IL10RB: variants seen among roughly 807,000 people sequenced by gnomAD.
The protein encoded by IL10RB is interleukin 10 receptor subunit beta, also known as interleukin-10 receptor subunit beta.
Under a neutral mutation model 38.7 loss-of-function variants are expected in IL10RB, and 30 were observed. The observed-to-expected ratio is 0.78, with a 90% CI of 0.58 to 1.05. IL10RB has a LOEUF of 1.05. Ranked by LOEUF, IL10RB falls within the 50% of genes least tolerant of loss-of-function variation. IL10RB has a pLI of 0.00. For missense variants in IL10RB, 328 were observed against 397.1 expected (o/e 0.83, Z 1.48); for synonymous variants, 142 against 145.9 (o/e 0.97, Z 0.19).
chr21:33,267,150 C>A (rs1388646070), intron 1 of IL10RB, among the ~76,000 whole-genome samples: 5 of 151,822 alleles, frequency 3.3e-5, no homozygotes, highest in Non-Finnish European at 7.4e-5. Context: ...ACCATGGTCA[C>A]CTCCTTCCTT....
rs1201145141 is a variant in IL10RB at position 33,296,686 on chromosome 21, C to T, written c.*329C>T. On this transcript the variant is annotated 3_prime_UTR_variant, in exon 7 of 7. Transcript: ENST00000290200. ...AAACAGGGCCGAGCACAGTGGCTCACGCCTGTAATACCAGCACCTTAGAGG... is the reference window on the plus strand; with the variant it reads ...AAACAGGGCCGAGCACAGTGGCTCATGCCTGTAATACCAGCACCTTAGAGG... 7 of 426,528 alleles carry T rather than the reference C, an allele frequency of 1.6e-5. No individual in the cohort carries two copies. The highest frequency in any genetic ancestry group is 2.8e-5 in the Non-Finnish European group (6 of 217,268). The allele number at this position is 426,528 out of a possible 1,614,324, so 26.4% of individuals were successfully genotyped here.
chr21:33,268,483 A>G lies in IL10RB; in HGVS notation c.139A>G (p.Lys47Glu), dbSNP rs2834167. Reference sequence around the variant, plus strand: ...ACAGTGGGAGTCACCTGCTTTTGCCAAAGGGAACCTGACTTTCACAGCTCA... The same window carrying G: ...ACAGTGGGAGTCACCTGCTTTTGCCGAAGGGAACCTGACTTTCACAGCTCA... ...ILQWESPAFA[K>E]GNLTFTAQYL... The change falls in exon 2 of 7, where the codon AAA becomes GAA. Residue 47 changes from lysine (K) to glutamate (E), a missense_variant. Coordinates refer to ENST00000290200, the MANE Select transcript of IL10RB (RefSeq NM_000628.5). 0.28 allele frequency: 444,155 copies of G among 1,613,124 alleles called. 66,866 individuals are homozygous for G. The highest frequency in any genetic ancestry group is 0.56 in the East Asian group (24,993 of 44,870).
intron 6 of IL10RB, among the ~76,000 whole-genome samples, chr21:33,292,116 T>A (rs1218864232): frequency 6.6e-6 from 1 of 152,152 alleles, no homozygotes; most frequent in Non-Finnish European, 1.5e-5. Flanking sequence ...AGGTCCATCC[T>A]TCTTCCCAAA....
At chr21:33,275,067 G>A (rs1357101661) in intron 2 of IL10RB, among the ~76,000 whole-genome samples, 4 of 151,722 alleles carry the variant, frequency 2.6e-5, no homozygotes, top group African/African-American at 9.7e-5. Flanking sequence ...ATGGGCACTT[G>A]CTGCTTCACC....
rs1293357271 is a variant in IL10RB at position 33,268,399 on chromosome 21, G to A, written c.55G>A (p.Gly19Arg). 6.2e-7 allele frequency: 1 copy of A among 1,613,742 alleles called. No homozygotes were observed. Among genetic ancestry groups the A allele is most frequent in the African/African-American group, 1.3e-5 (1 of 74,916 alleles). Residue 19 changes from glycine to arginine, a missense_variant, in exon 2 of 7, where the codon GGA (glycine) becomes AGA (arginine). Gly to Arg is a moderately radical substitution (Grantham distance 125, BLOSUM62 -2). Transcript: ENST00000290200. ...LGGCLLVSAL[G>R]MVPPPENVRM... ...TTTTTGTCTTATTTTCATAGCATTG[G>A]GAATGGTACCACCTCCCGAAAATGT...
intron 1 of IL10RB, among the ~76,000 whole-genome samples, chr21:33,305,481 T>C (rs1181103988): frequency 1.3e-5 from 2 of 152,110 alleles, no homozygotes; most frequent in African/African-American, 4.8e-5. Context: ...GGTCATGACC[T>C]ATCAATAGGT....
At chr21:33,283,765 T>C (rs2834173) in intron 5 of IL10RB, among the ~76,000 whole-genome samples, 72,959 of 151,998 alleles carry the variant, frequency 0.48, 18,085 homozygotes, top group African/African-American at 0.6. Flanking sequence ...ACCATATGGA[T>C]CACTTCTAGC....
chr21:33,304,691 A>G (rs1203951099), intron 1 of IL10RB, among the ~76,000 whole-genome samples: 1 of 152,248 alleles, frequency 6.6e-6, no homozygotes, highest in Non-Finnish European at 1.5e-5. Flanking sequence ...GATCTACAGT[A>G]GCAGACGCCT....
downstream of IL10RB, among the ~76,000 whole-genome samples, chr21:33,298,154 G>C (rs2082975334): frequency 6.6e-6 from 1 of 152,142 alleles, no homozygotes; most frequent in South Asian, 2.1e-4. Context: ...AAAATCTATG[G>C]ATTTAAATGT....
Position 33,296,374 on chromosome 21 carries a change from A to G in IL10RB, c.*17A>G, listed in dbSNP as rs886057003. On this transcript the variant is annotated 3_prime_UTR_variant, in exon 7 of 7. Transcript: ENST00000290200. ...CAAAGCTAGGCTCTGAGAAGGAAACACACTCGGCTGGGCACAGTGACGTAC... is the reference window on the plus strand; with the variant it reads ...CAAAGCTAGGCTCTGAGAAGGAAACGCACTCGGCTGGGCACAGTGACGTAC... The G allele has an allele frequency of 6.2e-7, 1 of 1,611,066 alleles. No individual in the cohort carries two copies. The highest frequency in any genetic ancestry group is 8.5e-7 in the Non-Finnish European group (1 of 1,179,492).
At chr21:33,287,697 G>A (rs577454916) in intron 5 of IL10RB, among the ~76,000 whole-genome samples, 2 of 152,198 alleles carry the variant, frequency 1.3e-5, no homozygotes, top group Non-Finnish European at 2.9e-5. Flanking sequence ...AGTTGTTCAC[G>A]CAGAGTTTCT....
chr21:33,303,285 C>T lies in IL10RB; in HGVS notation c.130-5691C>T, dbSNP rs140547029. Among the ~76,000 whole-genome samples, 448 of 149,582 alleles carry T rather than the reference C, an allele frequency of 3.0e-3. 1 individual carries two copies. Among genetic ancestry groups the T allele is most frequent in the African/African-American group, 0.01 (421 of 40,948 alleles). Reference sequence around the variant, plus strand: ...TTGACTCTTGACTGGAGCTCTGTTGCGGGGAGGGTGGAATCCTCTTGCTTC... The same window carrying T: ...TTGACTCTTGACTGGAGCTCTGTTGTGGGGAGGGTGGAATCCTCTTGCTTC... On this transcript the variant is annotated intron_variant, in intron 1 of 1. Transcript: ENST00000609556.
chr21:33,292,303 T>G (rs1989504815), intron 6 of IL10RB, among the ~76,000 whole-genome samples: 1 of 152,192 alleles, frequency 6.6e-6, no homozygotes, highest in South Asian at 2.1e-4. Context: ...ACTTTCTCCC[T>G]GGTTGGGGCT....
At chr21:33,308,028 C>T (rs1053785438) in intron 1 of IL10RB, among the ~76,000 whole-genome samples, 4 of 152,192 alleles carry the variant, frequency 2.6e-5, no homozygotes, top group African/African-American at 7.2e-5. Context: ...TCAGTAAATC[C>T]GTGGCTGACT....
chr21:33,276,724 T>A lies in IL10RB; in HGVS notation c.302T>A (p.Val101Glu). ...TTTGCAGATGAGCATTCAGACTGGG[T>A]AAACATCACCTTCTGTCCTGTGGAT... ...AEFADEHSDW[V>E]NITFCPVDDT... The change falls in exon 3 of 7, where the codon GTA (valine) becomes GAA (glutamate). Residue 101 changes from valine (V) to glutamate (E), a missense_variant. Physicochemically the swap from Val to Glu is moderately radical, Grantham distance 121. Transcript: ENST00000290200. 6.2e-7 allele frequency: 1 copy of A among 1,614,114 alleles called. No homozygotes were observed. The highest frequency in any genetic ancestry group is 8.5e-7 in the Non-Finnish European group (1 of 1,179,948).
intron 5 of IL10RB, among the ~76,000 whole-genome samples, chr21:33,286,630 C>T (rs1276328063): frequency 1.3e-5 from 2 of 152,094 alleles, no homozygotes; most frequent in Non-Finnish European, 2.9e-5. Context: ...GCAGGAGGAT[C>T]GCTTGAACCC....
intron 2 of IL10RB, among the ~76,000 whole-genome samples, chr21:33,269,529 C>G (rs1989037239): frequency 6.6e-6 from 1 of 152,172 alleles, no homozygotes; most frequent in Admixed American, 6.5e-5. Flanking sequence ...TAGTCCTCGT[C>G]TGTGCATTGC....
chr21:33,295,564 C>G (rs1449194104), intron 6 of IL10RB, among the ~76,000 whole-genome samples: 1 of 148,658 alleles, frequency 6.7e-6, no homozygotes, highest in Non-Finnish European at 1.5e-5. Context: ...CCCAGCTACT[C>G]AGGAGGCTGA....
At chr21:33,267,017 G>A (rs1384213637) in intron 1 of IL10RB, among the ~76,000 whole-genome samples, 1 of 152,030 alleles carries the variant, frequency 6.6e-6, no homozygotes, top group Non-Finnish European at 1.5e-5. Context: ...CCTCCTTCCG[G>A]TTCAGGCCCG....
Sources: allele counts gnomAD v4.1 joint callset (sites outside exome capture counted in the v4.1 genomes callset), GRCh38; gene constraint gnomAD v4.1.1; transcripts MANE v1.5; gene names NCBI Gene and HGNC (gene_info 2026-07-23, HGNC 2026-07-21).